NRG3: variants seen among roughly 807,000 people sequenced by gnomAD.
NRG3 encodes pro-neuregulin-3, membrane-bound isoform.
A neutral mutation model predicts 66.9 loss-of-function variants in NRG3; 31 were observed. The observed-to-expected ratio is 0.46, with a 90% CI of 0.35 to 0.63. The LOEUF (loss-of-function observed/expected upper bound fraction) is 0.63, where lower values mean the gene tolerates loss of function less well. NRG3 is among the 20% of genes least tolerant of loss of function. NRG3 has a pLI of 0.00. For missense variants in NRG3, 910 were observed against 878.9 expected, an observed-to-expected ratio of 1.04 and a Z score of -0.45; for synonymous variants, 393 against 359.4, an observed-to-expected ratio of 1.09 and a Z score of -1.06.
intron 2 of NRG3, among the ~76,000 whole-genome samples, chr10:82,496,984 C>T (rs748682890): frequency 8.6e-5 from 13 of 152,016 alleles, no homozygotes; most frequent in Middle Eastern, 3.4e-3. Context: ...ATTTTTTTCC[C>T]GTCAGTCTTT....
intron 2 of NRG3, among the ~76,000 whole-genome samples, chr10:82,522,920 A>C (rs1051881036): frequency 6.6e-6 from 1 of 152,126 alleles, no homozygotes; most frequent in African/African-American, 2.4e-5. Context: ...ATTACCTCTC[A>C]ATGCCCCATC....
intron 2 of NRG3, among the ~76,000 whole-genome samples, chr10:82,692,251 CAAAA>C (rs11323182): frequency 8.3e-6 from 1 of 120,770 alleles, no homozygotes; most frequent in Non-Finnish European, 1.7e-5. Context: ...GATTCCATCT[CAAAA>C]AAAAAAAAAA....
intron 2 of NRG3, among the ~76,000 whole-genome samples, chr10:82,408,857 A>C (rs564947976): frequency 6.6e-6 from 1 of 152,082 alleles, no homozygotes; most frequent in East Asian, 1.9e-4. Flanking sequence ...ATTTATGAAA[A>C]ATTTTGCAGA....
At chr10:82,746,369 G>A (rs2058645507) in intron 3 of NRG3, among the ~76,000 whole-genome samples, 1 of 152,124 alleles carries the variant, frequency 6.6e-6, no homozygotes, top group Non-Finnish European at 1.5e-5. Context: ...CCGGGAAGAG[G>A]ATTGTTCTTC....
intron 2 of NRG3, among the ~76,000 whole-genome samples, chr10:82,392,821 G>C (rs1420237353): frequency 6.6e-6 from 1 of 152,018 alleles, no homozygotes; most frequent in Non-Finnish European, 1.5e-5. Flanking sequence ...CACACTGCAA[G>C]GAGTGTTATC....
chr10:82,002,673 T>C (rs975746602), intron 1 of NRG3, among the ~76,000 whole-genome samples: 9 of 152,156 alleles, frequency 5.9e-5, no homozygotes. Flanking sequence ...AAATATTATA[T>C]GGTTTTGGCT....
At chr10:82,816,391 G>A (rs999480794) in intron 3 of NRG3, among the ~76,000 whole-genome samples, 1 of 152,190 alleles carries the variant, frequency 6.6e-6, no homozygotes, top group Non-Finnish European at 1.5e-5. Flanking sequence ...ATCCCGATGA[G>A]TGTCCAGCTC....
chr10:82,451,568 C>T (rs1179112897), intron 2 of NRG3, among the ~76,000 whole-genome samples: 1 of 152,118 alleles, frequency 6.6e-6, no homozygotes, highest in Non-Finnish European at 1.5e-5. Context: ...AGCAGCCAAC[C>T]TTACATTCAT....
intron 1 of NRG3, among the ~76,000 whole-genome samples, chr10:82,269,370 T>A (rs551453157): frequency 5.9e-5 from 9 of 152,302 alleles, no homozygotes; most frequent in African/African-American, 2.2e-4. Flanking sequence ...AATGTTCTGC[T>A]GTTGGATGTT....
intron 1 of NRG3, among the ~76,000 whole-genome samples, chr10:82,103,093 A>G (rs1175280343): frequency 6.6e-6 from 1 of 152,094 alleles, no homozygotes; most frequent in Admixed American, 6.6e-5. Flanking sequence ...TCCTTCTTAA[A>G]GAATATTTTT....
chr10:81,902,991 T>G (rs1457454679), intron 1 of NRG3, among the ~76,000 whole-genome samples: 1 of 151,380 alleles, frequency 6.6e-6, no homozygotes, highest in African/African-American at 2.4e-5. Context: ...TACTATTATC[T>G]CCATTTCACT....
chr10:82,178,576 A>G (rs940674897), intron 1 of NRG3, among the ~76,000 whole-genome samples: 1 of 152,176 alleles, frequency 6.6e-6, no homozygotes, highest in Non-Finnish European at 1.5e-5. Flanking sequence ...TTATGGCTAA[A>G]TAGTATTTTA....
intron 3 of NRG3, among the ~76,000 whole-genome samples, chr10:82,833,119 T>A (rs2062609447): frequency 6.6e-6 from 1 of 152,076 alleles, no homozygotes; most frequent in Admixed American, 6.6e-5. Context: ...AACTCTCAAA[T>A]TTTTCTTGGT....
intron 1 of NRG3, among the ~76,000 whole-genome samples, chr10:82,330,173 A>T (rs911580334): frequency 2.6e-5 from 4 of 152,212 alleles, no homozygotes; most frequent in African/African-American, 9.6e-5. Flanking sequence ...CTGGGCTAAT[A>T]TTCTTTTAAA....
chr10:82,715,028 CCAT>C (rs1437446548), intron 2 of NRG3, among the ~76,000 whole-genome samples: 1 of 152,146 alleles, frequency 6.6e-6, no homozygotes, highest in Non-Finnish European at 1.5e-5. Context: ...TTTCCACCCA[CCAT>C]CATCAGCACT....
chr10:81,950,444 T>C (rs534361086), intron 1 of NRG3, among the ~76,000 whole-genome samples: 1 of 152,280 alleles, frequency 6.6e-6, no homozygotes, highest in African/African-American at 2.4e-5. Context: ...AGAAAATCAC[T>C]TCAGGCCAAA....
chr10:81,943,617 T>A (rs1370328269), intron 1 of NRG3, among the ~76,000 whole-genome samples: 1 of 152,120 alleles, frequency 6.6e-6, no homozygotes, highest in Non-Finnish European at 1.5e-5. Context: ...TCTGCCTAGA[T>A]TGTGAATAAA....
At chr10:82,591,143 A>G (rs923420274) in intron 2 of NRG3, among the ~76,000 whole-genome samples, 1 of 152,162 alleles carries the variant, frequency 6.6e-6, no homozygotes, top group Non-Finnish European at 1.5e-5. Flanking sequence ...TCCTGAGCAT[A>G]CGGCCCGGGT....
chr10:82,836,480 A>G (rs1591671159), intron 3 of NRG3, among the ~76,000 whole-genome samples: 1 of 152,164 alleles, frequency 6.6e-6, no homozygotes, highest in Non-Finnish European at 1.5e-5. Context: ...CCCCCCATGT[A>G]TAAATTTTCA....
Sources: allele counts gnomAD v4.1 joint callset (sites outside exome capture counted in the v4.1 genomes callset), GRCh38; gene constraint gnomAD v4.1.1; transcripts MANE v1.5; gene names NCBI Gene and HGNC (gene_info 2026-07-23, HGNC 2026-07-21).